The following RIC3 variants were observed in gnomAD, a reference collection of about 807,000 sequenced individuals.
RIC3 encodes RIC3 acetylcholine receptor chaperone.
In RIC3, 28 loss-of-function variants were observed where a neutral mutation model predicts 27.3. The ratio of observed to expected loss-of-function variants is 1.02; its 90% confidence interval spans 0.76 to 1.41. The LOEUF (loss-of-function observed/expected upper bound fraction) is 1.41. RIC3 is among the 40% of genes most tolerant of loss of function. The pLI is 0.00. For synonymous variants in RIC3, 184 were observed against 160.4 expected, an observed-to-expected ratio of 1.15 and a Z score of -1.11; for missense variants, 501 against 444.7, an observed-to-expected ratio of 1.13 and a Z score of -1.14.
chr11:8,101,361 T>C, downstream of RIC3: 1 of 1,273,142 alleles, frequency 7.9e-7, no homozygotes, highest in Non-Finnish European at 1.1e-6. Context: ...CCCTTTGTGA[T>C]TCCCCTGGCA....
At chr11:8,124,262 A>G (rs184206703) in intron 5 of RIC3, among the ~76,000 whole-genome samples, 164 of 152,318 alleles carry the variant, frequency 1.1e-3, no homozygotes, top group Non-Finnish European at 1.8e-3. Flanking sequence ...GCATTTTATG[A>G]GGCCAGGATT....
chr11:8,122,743 T>C (rs1034814087), intron 5 of RIC3, among the ~76,000 whole-genome samples: 7 of 152,106 alleles, frequency 4.6e-5, no homozygotes, highest in South Asian at 2.1e-4. Context: ...TCAACTATTT[T>C]CTACTAACCT....
At chr11:8,128,202 A>T (rs1051313670) in intron 4 of RIC3, 2 of 457,374 alleles carry the variant, frequency 4.4e-6, no homozygotes, top group East Asian at 6.9e-5. Context: ...CTTCTGGGGC[A>T]GACTAGAAGA....
intron 1 of RIC3, 131 bp from the exon 2 acceptor site, chr11:8,140,324 A>C (rs1206090826): frequency 6.5e-6 from 5 of 764,942 alleles, no homozygotes; most frequent in Non-Finnish European, 1.0e-5. Context: ...ACTTAATTAA[A>C]AGGATACAGA....
In RIC3 at chr11:8,140,049, C is replaced by A. The variant is rs755501731; in HGVS notation, c.269G>T (p.Gly90Val). 1.2e-6 allele frequency: 2 copies of A among 1,614,098 alleles called. No individual in the cohort carries two copies. The highest frequency in any genetic ancestry group is 4.5e-5 in the East Asian group (2 of 44,878). Residue 90 changes from glycine (G) to valine (V), a missense_variant, in exon 2 of 6, where the codon GGT becomes GTT. Coordinates refer to ENST00000309737, the MANE Select transcript of RIC3 (RefSeq NM_001206671.4). ...KGSGGGAGGG[G>V]SGRGLMGQII... ...CTGCCCCATCAGACCTCTTCCACTACCTCCTCCTCCAGCACCTCCACCTGA... is the reference window on the plus strand; with the variant it reads ...CTGCCCCATCAGACCTCTTCCACTAACTCCTCCTCCAGCACCTCCACCTGA...
At chr11:8,155,219 A>T (rs1434317692) in intron 1 of RIC3, among the ~76,000 whole-genome samples, 2 of 42,056 alleles carry the variant, frequency 4.8e-5, no homozygotes, top group East Asian at 1.7e-3. Flanking sequence ...ACCCCATCTT[A>T]AAAAAAAAAA....
chr11:8,153,378 A>G, intron 1 of RIC3: 1 of 449,468 alleles, frequency 2.2e-6, no homozygotes, highest in Non-Finnish European at 4.4e-6. Context: ...ACTCTACCTT[A>G]ACCGTCAAAT....
chr11:8,161,862 T>A (rs543136735), intron 1 of RIC3, among the ~76,000 whole-genome samples: 8 of 151,674 alleles, frequency 5.3e-5, no homozygotes, highest in African/African-American at 1.9e-4. Flanking sequence ...CTCCGGGCAA[T>A]GGAATGTGAG....
chr11:8,093,916 TG>T, the RIC3 span: 1 of 1,021,434 alleles, frequency 9.8e-7, no homozygotes, highest in Non-Finnish European at 1.5e-6. Context: ...GCTGTAGAAG[TG>T]GTACAGGGGC....
intron 1 of RIC3, among the ~76,000 whole-genome samples, chr11:8,156,375 T>C (rs1207221599): frequency 1.3e-5 from 2 of 152,244 alleles, no homozygotes; most frequent in South Asian, 2.1e-4. Context: ...TTAATCTTTC[T>C]AGGGCTCATT....
At chr11:8,128,578 G>C (rs551384231) in intron 4 of RIC3, among the ~76,000 whole-genome samples, 6 of 151,974 alleles carry the variant, frequency 3.9e-5, no homozygotes, top group Admixed American at 2.0e-4. Context: ...TACTCCTAGA[G>C]GGCAGTAATA....
intron 1 of RIC3, among the ~76,000 whole-genome samples, chr11:8,149,745 G>A (rs533015657): frequency 2.6e-5 from 4 of 152,278 alleles, no homozygotes; most frequent in East Asian, 3.9e-4. Context: ...TGGCTATGAC[G>A]GGATGGGGGG....
intron 1 of RIC3, among the ~76,000 whole-genome samples, chr11:8,164,113 C>T (rs1484916508): frequency 6.6e-6 from 1 of 152,134 alleles, no homozygotes; most frequent in Non-Finnish European, 1.5e-5. Context: ...GTCTTTTCAA[C>T]AAATGGTGCT....
chr11:8,106,117 T>G lies in RIC3; in HGVS notation c.*4581A>C. 1 of 152,248 alleles carries G rather than the reference T, an allele frequency of 6.6e-6. No homozygotes were observed. Among genetic ancestry groups the G allele is most frequent in the East Asian group, 1.9e-4 (1 of 5,200 alleles). 9.4% of individuals were successfully genotyped at this position (152,248 alleles called of 1,614,324 possible). ...ACTTTGGTATTCTGGAGCAAATGTA[T>G]TTATTTATTGGTATGTGCAATGACA... is the stretch of plus-strand genomic sequence containing the variant. On this transcript the variant is annotated 3_prime_UTR_variant, in exon 6 of 6. Coordinates refer to ENST00000309737, the MANE Select transcript of RIC3 (RefSeq NM_001206671.4).
At chr11:8,096,309 G>A in the RIC3 span, among the ~76,000 whole-genome samples, 17 of 152,178 alleles carry the variant, frequency 1.1e-4, no homozygotes, top group Non-Finnish European at 1.2e-4. Context: ...TAGGCCTGAG[G>A]TCAGAAATGG....
rs36147833 is a variant in RIC3, at chr11:8,158,740, T to TTTGC, written c.124+10125_124+10126insGCAA. Reference sequence around the variant, plus strand: ...CCAGAGTTAAGAAGTTTTTTGTTTGTTTTTTGTTTTATTTTGAGATGGAGT... The same window carrying TTTGC: ...CCAGAGTTAAGAAGTTTTTTGTTTGTTTGCTTTTTGTTTTATTTTGAGATGGAGT... On this transcript the variant is annotated intron_variant, in intron 1 of 5. Coordinates refer to ENST00000309737, the MANE Select transcript of RIC3 (RefSeq NM_001206671.4). 7.6e-4 allele frequency among the ~76,000 whole-genome samples: 96 copies of TTTGC among 126,694 alleles called. 1 individual carries two copies. The highest frequency in any genetic ancestry group is 7.4e-3 in the Middle Eastern group (2 of 272). The allele number at this position is 126,694 out of a possible 152,430, so 83.1% of individuals were successfully genotyped here. A position where few individuals can be genotyped will look rare whatever the true frequency, so the allele number is the denominator to read the frequency against.
chr11:8,117,233 A>T (rs1945948680), intron 5 of RIC3, among the ~76,000 whole-genome samples: 1 of 151,968 alleles, frequency 6.6e-6, no homozygotes. Flanking sequence ...TGCCTAGCAA[A>T]TTTTTGTATT....
the RIC3 span, chr11:8,100,981 C>A: frequency 6.2e-7 from 1 of 1,614,068 alleles, no homozygotes; most frequent in African/African-American, 1.3e-5. Flanking sequence ...ACTTCCAGAT[C>A]ATCCATGGCA....
At chr11:8,112,714 C>T (rs958199154) in intron 5 of RIC3, among the ~76,000 whole-genome samples, 1 of 152,208 alleles carries the variant, frequency 6.6e-6, no homozygotes. Flanking sequence ...TGTCATTAGG[C>T]ATTTGAAAGT....
Sources: allele counts gnomAD v4.1 joint callset (sites outside exome capture counted in the v4.1 genomes callset), GRCh38; gene constraint gnomAD v4.1.1; transcripts MANE v1.5; gene names NCBI Gene and HGNC (gene_info 2026-07-23, HGNC 2026-07-21).